Variants in LRBA observed in about 807,000 individuals in gnomAD.
LRBA encodes the protein lipopolysaccharide-responsive and beige-like anchor protein.
LRBA carries 176 observed loss-of-function variants against 330.0 expected under a neutral mutation model. That is an observed-to-expected ratio of 0.53 (90% CI 0.47 to 0.60). The LOEUF (loss-of-function observed/expected upper bound fraction) is 0.60, where lower values mean the gene tolerates loss of function less well. Among genes scored for constraint, LRBA ranks in the 20% least tolerant of loss-of-function variants. The pLI is 0.00. For missense variants in LRBA, 3,259 were observed against 3,444.8 expected (o/e 0.95, Z 1.35); for synonymous variants, 1,230 against 1,193.0 (o/e 1.03, Z -0.64).
chr4:150,974,082 C>T (rs556877873), intron 2 of LRBA, among the ~76,000 whole-genome samples: 1 of 152,264 alleles, frequency 6.6e-6, no homozygotes, highest in Admixed American at 6.5e-5. Flanking sequence ...CAGATTTAAT[C>T]TCTCACCATA....
chr4:150,689,301 G>A (rs1471554418), intron 36 of LRBA, among the ~76,000 whole-genome samples: 1 of 152,088 alleles, frequency 6.6e-6, no homozygotes, highest in Non-Finnish European at 1.5e-5. Context: ...ATACACCGGG[G>A]CCTGTATGGG....
chr4:150,985,478 T>G, intron 2 of LRBA, among the ~76,000 whole-genome samples: 1 of 151,198 alleles, frequency 6.6e-6, no homozygotes, highest in South Asian at 2.1e-4. Context: ...AATCTAGAAT[T>G]GCACTTTTTT....
chr4:150,875,235 T>C (rs985729874), intron 17 of LRBA, among the ~76,000 whole-genome samples: 3 of 152,196 alleles, frequency 2.0e-5, no homozygotes, highest in Non-Finnish European at 4.4e-5. Flanking sequence ...CCCTGAGGTG[T>C]CCCACCATTC....
At chr4:151,007,358 A>G (rs1744196250) in intron 2 of LRBA, among the ~76,000 whole-genome samples, 1 of 151,964 alleles carries the variant, frequency 6.6e-6, no homozygotes, top group African/African-American at 2.4e-5. Context: ...AAATAAAACT[A>G]GCCAGGCCTG....
At chr4:150,970,556 T>TGTGTAC (rs1166996824) in intron 2 of LRBA, 582 of 41,622 alleles carry the variant, frequency 0.014, 6 homozygotes, top group African/African-American at 0.034. Context: ...TGTGTGTGTG[T>TGTGTAC]ACACACACAC....
chr4:150,449,496 T>C (rs932475295), intron 44 of LRBA, among the ~76,000 whole-genome samples: 1 of 149,672 alleles, frequency 6.7e-6, no homozygotes, highest in African/African-American at 2.5e-5. Context: ...TGGCACTGAG[T>C]TACCAACAAC....
intron 36 of LRBA, among the ~76,000 whole-genome samples, chr4:150,734,340 G>A (rs912838413): frequency 2.6e-5 from 4 of 151,760 alleles, no homozygotes; most frequent in Non-Finnish European, 5.9e-5. Flanking sequence ...TCTTTATATT[G>A]ATGAATTATG....
chr4:150,891,100 T>C (rs1374699010), intron 17 of LRBA, among the ~76,000 whole-genome samples: 3 of 152,206 alleles, frequency 2.0e-5, no homozygotes, highest in African/African-American at 4.8e-5. Context: ...AGTTATTAGA[T>C]AGGAAATGTG....
chr4:150,954,242 C>T (rs1375810545), intron 2 of LRBA, among the ~76,000 whole-genome samples: 5 of 151,564 alleles, frequency 3.3e-5, no homozygotes, highest in South Asian at 2.1e-4. Flanking sequence ...CCCCTCTGCC[C>T]GGCCGCCACC....
chr4:150,317,637 T>A (rs553662259), intron 50 of LRBA, among the ~76,000 whole-genome samples: 4 of 152,248 alleles, frequency 2.6e-5, no homozygotes, highest in Non-Finnish European at 4.4e-5. Context: ...CTTCCAGCAA[T>A]ACCAGTGTCA....
chr4:150,892,734 T>C (rs1459258033), intron 17 of LRBA, among the ~76,000 whole-genome samples: 1 of 152,200 alleles, frequency 6.6e-6, no homozygotes, highest in African/African-American at 2.4e-5. Context: ...TGAACACTAT[T>C]TAATACTATC....
intron 28 of LRBA, among the ~76,000 whole-genome samples, chr4:150,839,200 A>G (rs1748654485): frequency 6.6e-6 from 1 of 152,194 alleles, no homozygotes; most frequent in Admixed American, 6.5e-5. Context: ...ACCATCTCAC[A>G]CCGGTTTGAA....
chr4:150,697,339 A>C (rs1205508323), intron 36 of LRBA, among the ~76,000 whole-genome samples: 2 of 148,660 alleles, frequency 1.3e-5, no homozygotes, highest in African/African-American at 2.5e-5. Flanking sequence ...AAAAAAAAAA[A>C]AAAAAAAAAA....
chr4:150,405,357 T>C (rs1746042304), intron 47 of LRBA, among the ~76,000 whole-genome samples: 2 of 152,330 alleles, frequency 1.3e-5, no homozygotes, highest in African/African-American at 2.4e-5. Flanking sequence ...AAATGTGTAA[T>C]CCATTTCATA....
At chr4:150,584,335 G>C in intron 40 of LRBA, 1 of 420,826 alleles carries the variant, frequency 2.4e-6, no homozygotes, top group Admixed American at 4.1e-5. Context: ...CAAACAATGT[G>C]AATTTAAAAG....
intron 53 of LRBA, among the ~76,000 whole-genome samples, chr4:150,299,511 G>A (rs1459344724): frequency 6.6e-6 from 1 of 151,956 alleles, no homozygotes; most frequent in Non-Finnish European, 1.5e-5. Flanking sequence ...GCTGAGAAGC[G>A]ATGTATTTAT....
intron 36 of LRBA, among the ~76,000 whole-genome samples, chr4:150,690,952 C>CA (rs1784080908): frequency 9.1e-6 from 1 of 109,498 alleles, no homozygotes; most frequent in South Asian, 3.1e-4. Flanking sequence ...TTTTTTTAGA[C>CA]AGAGTCTCGC....
intron 36 of LRBA, among the ~76,000 whole-genome samples, chr4:150,725,562 G>A (rs1162876129): frequency 6.6e-6 from 1 of 152,174 alleles, no homozygotes; most frequent in Non-Finnish European, 1.5e-5. Flanking sequence ...ATCAACACCA[G>A]GCGTGTCCTA....
intron 46 of LRBA, among the ~76,000 whole-genome samples, chr4:150,417,111 T>C (rs1420186096): frequency 6.6e-6 from 1 of 152,100 alleles, no homozygotes; most frequent in Non-Finnish European, 1.5e-5. Context: ...AGTTTTTAAC[T>C]TATATACAAA....
Sources: allele counts gnomAD v4.1 joint callset (sites outside exome capture counted in the v4.1 genomes callset), GRCh38; gene constraint gnomAD v4.1.1; transcripts MANE v1.5; gene names NCBI Gene and HGNC (gene_info 2026-07-23, HGNC 2026-07-21).